Variants in MED13 observed in about 807,000 individuals in gnomAD.
The protein encoded by MED13 is mediator complex subunit 13, also known as mediator of RNA polymerase II transcription subunit 13.
MED13 carries 23 observed loss-of-function variants against 225.2 expected under a neutral mutation model. The observed-to-expected ratio is 0.10, with a 90% CI of 0.07 to 0.14. The LOEUF (loss-of-function observed/expected upper bound fraction) is 0.14. MED13 is among the 10% of genes least tolerant of loss of function. The pLI, the probability that MED13 is intolerant of heterozygous loss-of-function variation, is 1.00. For missense variants in MED13, 2,197 were observed against 2,594.5 expected (o/e 0.85, Z 3.33); for synonymous variants, 942 against 889.2 (o/e 1.06, Z -1.06).
chr17:62,059,649 A>T (rs950682938), intron 2 of MED13, among the ~76,000 whole-genome samples: 12 of 152,214 alleles, frequency 7.9e-5, no homozygotes, highest in African/African-American at 2.7e-4. Flanking sequence ...AAGGAAATAG[A>T]GTGCCACAGA....
Position 61,946,125 on chromosome 17 carries a change from A to G in MED13, c.*343T>C, listed in dbSNP as rs2079849919. On this transcript the variant is annotated 3_prime_UTR_variant, in exon 30 of 30. Transcript: ENST00000397786. ...CATATGTTGAAATTCATTGTTCCTC[A>G]TGTTTCCTCTCCATGCTTTTAATAT... 1 of 177,474 alleles carries G rather than the reference A, an allele frequency of 5.6e-6. No individual in the cohort carries two copies. The highest frequency in any genetic ancestry group is 6.0e-5 in the Admixed American group (1 of 16,720). 11.0% of individuals were successfully genotyped at this position (177,474 alleles called of 1,614,324 possible). A position where few individuals can be genotyped will look rare whatever the true frequency, so the allele number is the denominator to read the frequency against.
rs1391969412 is a variant in MED13 at position 61,945,548 on chromosome 17, G to A, written c.*920C>T. ...GAAATGGCCTGAAATATTAGTCATA[G>A]CCCTAAACCATAGTACAAAATATAA... is the stretch of plus-strand genomic sequence containing the variant. On this transcript the variant is annotated 3_prime_UTR_variant, in exon 30 of 30. Coordinates refer to ENST00000397786, the MANE Select transcript of MED13 (RefSeq NM_005121.3). 1 of 152,516 alleles carries A rather than the reference G, an allele frequency of 6.6e-6. No homozygotes were observed. The highest frequency in any genetic ancestry group is 1.5e-5 in the Non-Finnish European group (1 of 68,014). The allele number at this position is 152,516 out of a possible 1,614,324, so 9.4% of individuals were successfully genotyped here. A position where few individuals can be genotyped will look rare whatever the true frequency, so the allele number is the denominator to read the frequency against.
Position 61,972,996 on chromosome 17 carries a change from CAAG to C in MED13, c.3806-111_3806-109del, listed in dbSNP as rs759683846. 8.0e-4 allele frequency: 661 copies of C among 829,878 alleles called. 3 individuals carry two copies. Among genetic ancestry groups the C allele is most frequent in the Admixed American group, 1.9e-3 (66 of 34,842 alleles). 51.4% of individuals were successfully genotyped at this position (829,878 alleles called of 1,614,324 possible). A position where few individuals can be genotyped will look rare whatever the true frequency, so the allele number is the denominator to read the frequency against. ...ATAGGGAAGTTCAGGTCTTCAGCATCAAGAAGATTAAACCCTTACTTGTGCAGA... is the reference window on the plus strand; with the variant it reads ...ATAGGGAAGTTCAGGTCTTCAGCATCAAGATTAAACCCTTACTTGTGCAGA... On this transcript the variant is annotated intron_variant, in intron 16 of 29. Transcript: ENST00000397786.
In MED13 at chr17:61,961,573, A is replaced by G. The variant is rs752334028; in HGVS notation, c.5256+15T>C. The G allele has an allele frequency of 6.3e-7, 1 of 1,594,982 alleles. No individual in the cohort carries two copies. The highest frequency in any genetic ancestry group is 8.5e-7 in the Non-Finnish European group (1 of 1,171,926). The stretch of plus-strand genomic sequence containing the variant: ...TATAGTCATTGAACTTCGGTCATGA[A>G]AAACATATACTTACATCAGGACTTC... On this transcript the variant is annotated intron_variant, in intron 22 of 29. Transcript: ENST00000397786.
chr17:62,063,216 T>C lies in MED13; in HGVS notation c.152A>G (p.Asp51Gly). Residue 51 changes from aspartate (D) to glycine (G), a missense_variant, in exon 2 of 30, where the codon GAC (aspartate) becomes GGC (glycine). This residue lies in a region of MED13 where 884 missense variants were observed against 918.5 expected (regional missense o/e 0.96). Coordinates refer to ENST00000397786, the MANE Select transcript of MED13 (RefSeq NM_005121.3). ...GCGACTAAAACTGCTCAAAATGGGG[T>C]CTTCTTCTGTCACAGGAAACAGAAT... ...APILFPVTEEDPILSSFSRCL... is the reference protein window; with the variant it reads ...APILFPVTEEGPILSSFSRCL... 6.2e-7 allele frequency: 1 copy of C among 1,614,086 alleles called. No individual in the cohort carries two copies. Among genetic ancestry groups the C allele is most frequent in the Non-Finnish European group, 8.5e-7 (1 of 1,180,010 alleles).
Position 62,035,488 on chromosome 17 carries a change from A to T in MED13, c.591T>A (p.Ala197=), listed in dbSNP as rs761227009. 1.2e-6 allele frequency: 2 copies of T among 1,612,602 alleles called. No individual in the cohort carries two copies. The highest frequency in any genetic ancestry group is 3.3e-5 in the Admixed American group (2 of 59,906). ...CTTGAAATGGGCTATTAGACTGTTG[A>T]GCAAGGGTGATATGCTCTTCACTGA... ...YLLSEEHITL[A]QQSNSPFQVI... The change falls in exon 4 of 30, where the codon GCT becomes GCA. Residue 197 remains alanine (A), a synonymous_variant. Transcript: ENST00000397786.
chr17:62,031,905 T>TA (rs1245550138), intron 5 of MED13, among the ~76,000 whole-genome samples: 2 of 152,024 alleles, frequency 1.3e-5, no homozygotes, highest in Admixed American at 1.3e-4. Context: ...TTCCTTTTTT[T>TA]AGATTTCTAG....
chr17:61,957,085 C>T (rs1387544476), intron 23 of MED13, among the ~76,000 whole-genome samples: 6 of 152,100 alleles, frequency 3.9e-5, no homozygotes, highest in Non-Finnish European at 1.5e-5. Context: ...CTCACTCTGT[C>T]GCCCAGGCTG....
chr17:62,034,418 C>T (rs2080784271), intron 4 of MED13, among the ~76,000 whole-genome samples: 1 of 148,754 alleles, frequency 6.7e-6, no homozygotes, highest in African/African-American at 2.5e-5. Context: ...ACCCGGGAGG[C>T]AGAGGCTGCA....
intron 3 of MED13, among the ~76,000 whole-genome samples, chr17:62,042,938 C>G (rs2080865988): frequency 6.6e-6 from 1 of 151,820 alleles, no homozygotes; most frequent in East Asian, 1.9e-4. Flanking sequence ...TCACTTGAGG[C>G]TAGGAGTTAG....
At chr17:62,022,407 G>A (rs1325074572) in intron 8 of MED13, among the ~76,000 whole-genome samples, 1 of 151,794 alleles carries the variant, frequency 6.6e-6, no homozygotes, top group Non-Finnish European at 1.5e-5. Context: ...CAAACTGTAT[G>A]TCCATCAAAT....
chr17:61,963,546 C>T lies in MED13; in HGVS notation c.4845-575G>A, dbSNP rs188689351. Among the ~76,000 whole-genome samples the T allele has an allele frequency of 1.6e-3, 240 of 152,212 alleles. 2 individuals are homozygous for T. Among genetic ancestry groups the T allele is most frequent in the African/African-American group, 5.4e-3 (225 of 41,550 alleles). ...GTCTTGAACTCTTGGTCTCAAGCAA[C>T]CCTCCTGCCTTAGCCTCTCAAAGTG... On this transcript the variant is annotated intron_variant, in intron 20 of 29. Coordinates refer to ENST00000397786, the MANE Select transcript of MED13 (RefSeq NM_005121.3).
intron 16 of MED13, among the ~76,000 whole-genome samples, chr17:61,977,641 C>T (rs746156839): frequency 6.6e-5 from 10 of 152,026 alleles, no homozygotes; most frequent in Admixed American, 2.0e-4. Context: ...TTAGTAGAGA[C>T]GGGGTTTTAC....
At position 61,965,192 on chromosome 17, in the gene MED13, T is replaced by C. The variant is rs2080045518; in HGVS notation, c.4658A>G (p.Asn1553Ser). Residue 1553 changes from asparagine (N) to serine (S), a missense_variant, in exon 20 of 30, where the codon AAT becomes AGT. Asn to Ser is a conservative substitution (Grantham distance 46). Around this residue, in one of 12 missense-constraint regions of MED13, gnomAD observed 457 missense variants for 442.2 expected, o/e 1.03. Transcript: ENST00000397786. Reference protein sequence around the residue: ...SSNLNSGVSSNKLPSFPPFGS... With the variant: ...SSNLNSGVSSSKLPSFPPFGS... ...AAAGGGTGGAAACGAAGGTAGTTTA[T>C]TTGATGATACTCCACTATTCAAGTT... 2.0e-5 allele frequency: 33 copies of C among 1,614,078 alleles called. No homozygotes were observed. Among genetic ancestry groups the C allele is most frequent in the Non-Finnish European group, 2.8e-5 (33 of 1,180,042 alleles).
At chr17:62,021,643 T>C (rs2080648642) in intron 8 of MED13, among the ~76,000 whole-genome samples, 1 of 152,270 alleles carries the variant, frequency 6.6e-6, no homozygotes, top group South Asian at 2.1e-4. Flanking sequence ...AACAATTTTA[T>C]GCTTCTCACT....
chr17:62,053,697 T>G (rs1484831523), intron 2 of MED13, among the ~76,000 whole-genome samples: 3 of 152,226 alleles, frequency 2.0e-5, no homozygotes, highest in Non-Finnish European at 4.4e-5. Flanking sequence ...TCATCTGTGT[T>G]CAATGTTTAA....
intron 3 of MED13, among the ~76,000 whole-genome samples, chr17:62,048,054 A>ATG (rs2080916680): frequency 2.1e-5 from 3 of 145,756 alleles, no homozygotes; most frequent in South Asian, 2.1e-4. Context: ...ATATATATAT[A>ATG]TATATATATG....
intron 11 of MED13, 63 bp from the exon 12 acceptor site, chr17:61,987,191 C>A: frequency 8.2e-7 from 1 of 1,220,518 alleles, no homozygotes; most frequent in Non-Finnish European, 1.1e-6. Context: ...AATCCCAGCA[C>A]TTTGGGAGGC....
intron 16 of MED13, among the ~76,000 whole-genome samples, chr17:61,978,312 AG>A (rs1368372533): frequency 1.3e-5 from 2 of 152,034 alleles, no homozygotes; most frequent in Non-Finnish European, 2.9e-5. Context: ...GTACAATGGC[AG>A]GATCTCGGGC....
Sources: gnomAD v4.1 joint callset for allele counts (sites outside exome capture counted in the v4.1 genomes callset) on GRCh38, gnomAD v4.1.1 for gene constraint, gnomAD v4.1.1 regional missense constraint, MANE v1.5 for transcripts, NCBI Gene and HGNC (gene_info 2026-07-23, HGNC 2026-07-21) for gene names.